The following PRKG2 variants were observed in gnomAD, a reference collection of about 807,000 sequenced individuals.
PRKG2 encodes protein kinase cGMP-dependent 2.
PRKG2 carries 33 observed loss-of-function variants against 97.2 expected under a neutral mutation model. The observed-to-expected ratio is 0.34, with a 90% CI of 0.26 to 0.45. The LOEUF (loss-of-function observed/expected upper bound fraction) is 0.45. Among genes scored for constraint, PRKG2 ranks in the 20% least tolerant of loss-of-function variants. The pLI is 1.00. For synonymous variants in PRKG2, 330 were observed against 321.8 expected, an observed-to-expected ratio of 1.03 and a Z score of -0.27; for missense variants, 638 against 900.0, an observed-to-expected ratio of 0.71 and a Z score of 3.73.
In PRKG2 at chr4:81,120,459, T is replaced by A. The variant is rs532017049; in HGVS notation, c.1777-9848A>T. Among the ~76,000 whole-genome samples, 61 of 151,322 alleles carry A rather than the reference T, an allele frequency of 4.0e-4. No individual in the cohort carries two copies. The South Asian group carries it at 0.012, about 30-fold the overall frequency. On this transcript the variant is annotated intron_variant, in intron 14 of 18. Transcript: ENST00000264399. ...GAACATGGAATACTCTCCATTTTAG[T>A]TTTTTTTCATTTCTTTCATCAAAAT...
intron 14 of PRKG2, among the ~76,000 whole-genome samples, 153 bp from the exon 15 acceptor site, chr4:81,110,764 G>C (rs113195961): frequency 1.0e-4 from 15 of 146,320 alleles, no homozygotes; most frequent in East Asian, 2.2e-4. Flanking sequence ...GAGAGAGAGA[G>C]AGACAGACAG....
intron 1 of PRKG2, among the ~76,000 whole-genome samples, chr4:81,210,623 T>C (rs979178448): frequency 2.6e-5 from 4 of 152,146 alleles, no homozygotes; most frequent in African/African-American, 9.7e-5. Flanking sequence ...ATGATATAGT[T>C]ACATTAGGGG....
chr4:81,141,319 A>G (rs1166644734), intron 11 of PRKG2, among the ~76,000 whole-genome samples: 2 of 152,304 alleles, frequency 1.3e-5, no homozygotes, highest in African/African-American at 4.8e-5. Context: ...CCTAAGCTCT[A>G]TATCTGTACC....
intron 2 of PRKG2, among the ~76,000 whole-genome samples, chr4:81,178,810 A>G (rs1751151684): frequency 6.6e-6 from 1 of 152,116 alleles, no homozygotes; most frequent in Non-Finnish European, 1.5e-5. Flanking sequence ...GAAACAATAT[A>G]TGAAGGAATC....
At chr4:81,190,505 C>T (rs563089088) in intron 2 of PRKG2, among the ~76,000 whole-genome samples, 1 of 151,808 alleles carries the variant, frequency 6.6e-6, no homozygotes, top group East Asian at 1.9e-4. Context: ...GAGGCAATAC[C>T]CCATTCAGGA....
At chr4:81,095,278 A>C (rs1193337248) in intron 17 of PRKG2, among the ~76,000 whole-genome samples, 1 of 152,312 alleles carries the variant, frequency 6.6e-6, no homozygotes, top group Admixed American at 6.5e-5. Context: ...TGAGAGTCAG[A>C]CAGCAACCCA....
At chr4:81,200,826 A>G (rs1213901385) in intron 2 of PRKG2, among the ~76,000 whole-genome samples, 1 of 152,206 alleles carries the variant, frequency 6.6e-6, no homozygotes, top group Non-Finnish European at 1.5e-5. Context: ...ATTCATCATG[A>G]AATTTATAAT....
At chr4:81,188,060 G>T (rs892718549) in intron 2 of PRKG2, among the ~76,000 whole-genome samples, 2 of 152,124 alleles carry the variant, frequency 1.3e-5, no homozygotes, top group African/African-American at 2.4e-5. Context: ...CATAGCAAAA[G>T]AAACTACCAT....
chr4:81,167,284 T>C (rs1171601642), intron 5 of PRKG2, 60 bp from the exon 6 acceptor site: 3 of 1,060,416 alleles, frequency 2.8e-6, no homozygotes, highest in Non-Finnish European at 4.1e-6. Flanking sequence ...AATATACACA[T>C]ATGCAGATTC....
intron 14 of PRKG2, among the ~76,000 whole-genome samples, chr4:81,125,915 A>G (rs1055763927): frequency 6.6e-6 from 1 of 152,130 alleles, no homozygotes; most frequent in Non-Finnish European, 1.5e-5. Context: ...TCTGGGATAC[A>G]TGTGCAGAAT....
chr4:81,095,314 T>C (rs1041130744), intron 17 of PRKG2, among the ~76,000 whole-genome samples: 1 of 152,192 alleles, frequency 6.6e-6, no homozygotes, highest in Admixed American at 6.6e-5. Context: ...TCCTCTGCCC[T>C]TGCTGTAAAA....
At chr4:81,142,345 A>G (rs1747377946) in intron 11 of PRKG2, among the ~76,000 whole-genome samples, 1 of 152,204 alleles carries the variant, frequency 6.6e-6, no homozygotes, top group Non-Finnish European at 1.5e-5. Context: ...AAATACAGAC[A>G]TGGTACTGGA....
chr4:81,107,942 C>G (rs528227215), intron 15 of PRKG2, among the ~76,000 whole-genome samples: 1 of 152,160 alleles, frequency 6.6e-6, no homozygotes, highest in Non-Finnish European at 1.5e-5. Flanking sequence ...TGGTGGCTCA[C>G]GCCTGTAATC....
upstream of PRKG2, among the ~76,000 whole-genome samples, chr4:81,215,726 A>G (rs1754247986): frequency 6.7e-6 from 1 of 150,044 alleles, no homozygotes; most frequent in South Asian, 2.2e-4. Flanking sequence ...CTCTGGGGCC[A>G]TAACTTACAT....
At chr4:81,199,889 T>G (rs1213700829) in intron 2 of PRKG2, among the ~76,000 whole-genome samples, 1 of 152,222 alleles carries the variant, frequency 6.6e-6, no homozygotes, top group Non-Finnish European at 1.5e-5. Flanking sequence ...TAAAATGAAT[T>G]GTCCTTCCTA....
At chr4:81,162,252 T>A (rs1578447582) in intron 6 of PRKG2, among the ~76,000 whole-genome samples, 1 of 152,186 alleles carries the variant, frequency 6.6e-6, no homozygotes, top group East Asian at 1.9e-4. Flanking sequence ...CGAAAGAGGC[T>A]GTAAGCTGGT....
At chr4:81,139,971 A>T (rs1747111170) in intron 12 of PRKG2, among the ~76,000 whole-genome samples, 1 of 152,052 alleles carries the variant, frequency 6.6e-6, no homozygotes, top group Non-Finnish European at 1.5e-5. Flanking sequence ...CAACCATACA[A>T]AAAAAATGAG....
chr4:81,145,482 T>C (rs1300899793), intron 9 of PRKG2, among the ~76,000 whole-genome samples: 1 of 152,154 alleles, frequency 6.6e-6, no homozygotes. Context: ...CTTACTTTAG[T>C]AGTTCTCTGA....
At chr4:81,173,836 A>T (rs1297086163) in intron 3 of PRKG2, 1 of 152,076 alleles carries the variant, frequency 6.6e-6, no homozygotes, top group Non-Finnish European at 1.5e-5. Context: ...AGGAACTACA[A>T]TGCCAATGAA....
Sources: gnomAD v4.1 joint callset for allele counts (sites outside exome capture counted in the v4.1 genomes callset) on GRCh38, gnomAD v4.1.1 for gene constraint, MANE v1.5 for transcripts, NCBI Gene and HGNC (gene_info 2026-07-23, HGNC 2026-07-21) for gene names.